IGDCC4: variants seen among roughly 807,000 people sequenced by gnomAD.
IGDCC4 encodes immunoglobulin superfamily DCC subclass member 4, also known as likely ortholog of mouse neighbor of Punc E11.
In IGDCC4, 72 loss-of-function variants were observed where a neutral mutation model predicts 116.6. The observed-to-expected ratio is 0.62, with a 90% CI of 0.51 to 0.75. The LOEUF (loss-of-function observed/expected upper bound fraction) is 0.75, where lower values mean the gene tolerates loss of function less well. IGDCC4 is among the 30% of genes least tolerant of loss of function. IGDCC4 has a pLI of 0.00. For synonymous variants in IGDCC4, 709 were observed against 719.9 expected (o/e 0.98, Z 0.24); for missense variants, 1,501 against 1,662.4 (o/e 0.90, Z 1.69).
chr15:65,396,546 C>G, intron 6 of IGDCC4: 1 of 572,646 alleles, frequency 1.7e-6, no homozygotes, highest in Admixed American at 3.0e-5. Flanking sequence ...CCACTCAGAT[C>G]ACTCCACTAT....
chr15:65,406,585 G>A (rs573760951), intron 3 of IGDCC4, among the ~76,000 whole-genome samples: 10 of 152,238 alleles, frequency 6.6e-5, no homozygotes, highest in Admixed American at 5.2e-4. Context: ...CAAGGCATAC[G>A]GTCTCCTTCA....
At position 65,411,060 on chromosome 15, in the gene IGDCC4, G is replaced by A. The variant is rs369041917; in HGVS notation, c.381C>T (p.Leu127=). The A allele has an allele frequency of 2.1e-5, 34 of 1,613,590 alleles. No individual in the cohort carries two copies. The highest frequency in any genetic ancestry group is 8.9e-5 in the East Asian group (4 of 44,894). ...GNYSCLAHGP[L]GVLASQTAVV... is the part of the protein sequence containing the mutation. ...CAGCAGTCTGGCTGGCCAGCACTCCGAGGGGGCCGTGGGCTAGGCACGAAT... is the reference window on the plus strand; with the variant it reads ...CAGCAGTCTGGCTGGCCAGCACTCCAAGGGGGCCGTGGGCTAGGCACGAAT... Residue 127 remains leucine, a synonymous_variant, in exon 2 of 20, where the codon CTC becomes CTT. Coordinates refer to ENST00000352385, the MANE Select transcript of IGDCC4 (RefSeq NM_020962.3).
At chr15:65,419,633 C>T (rs550891670) in intron 1 of IGDCC4, among the ~76,000 whole-genome samples, 135 of 152,278 alleles carry the variant, frequency 8.9e-4, no homozygotes, top group African/African-American at 3.2e-3. Flanking sequence ...AGATTGGCCT[C>T]TGAGCCTCTG....
At chr15:65,391,023 G>C (rs1026962788) in intron 12 of IGDCC4, among the ~76,000 whole-genome samples, 1 of 152,032 alleles carries the variant, frequency 6.6e-6, no homozygotes, top group African/African-American at 2.4e-5. Flanking sequence ...ACCTGAGGTC[G>C]GGAGTTCAAG....
Position 65,382,828 on chromosome 15 carries a change from G to C in IGDCC4, c.*1181C>G, listed in dbSNP as rs112860742. The C allele has an allele frequency of 6.6e-6, 1 of 152,132 alleles. No homozygotes were observed. The highest frequency in any genetic ancestry group is 2.4e-5 in the African/African-American group (1 of 41,416). The allele number at this position is 152,132 out of a possible 1,614,324, so 9.4% of individuals were successfully genotyped here. ...TCTTCCTTTAGCTTCTTCTGGAAGA[G>C]AGGCCCAAATCATCTCCATCCAGTA... On this transcript the variant is annotated 3_prime_UTR_variant, in exon 20 of 20. Transcript: ENST00000352385.
chr15:65,410,193 AAT>A lies in IGDCC4; in HGVS notation c.546_547del (p.Leu183AlafsTer2). 1.9e-6 allele frequency: 3 copies of A among 1,613,296 alleles called. No individual in the cohort carries two copies. Among genetic ancestry groups the A allele is most frequent in the Non-Finnish European group, 2.5e-6 (3 of 1,179,986 alleles). The stretch of plus-strand genomic sequence containing the variant: ...GGGCACTCACCGAGGCTCCTCAGGC[AAT>A]GTCACCTGGTCCTTCTCCCAAGTAA... On this transcript the variant is annotated frameshift_variant, in exon 3 of 20. Transcript: ENST00000352385. LOFTEE classifies it high-confidence loss of function.
chr15:65,422,893 C>A lies in IGDCC4; in HGVS notation c.-31G>T. The stretch of plus-strand genomic sequence containing the variant: ...TGGGCTCGGGCCGCCGCCGCCGCCG[C>A]CGCCTCCCCGTGCTTCGGCCGCCGC... On this transcript the variant is annotated 5_prime_UTR_variant, in exon 1 of 20. Transcript: ENST00000352385. 1 of 1,034,622 alleles carries A rather than the reference C, an allele frequency of 9.7e-7. No homozygotes were observed. Among genetic ancestry groups the A allele is most frequent in the Non-Finnish European group, 1.2e-6 (1 of 861,182 alleles). The allele number at this position is 1,034,622 out of a possible 1,614,324, so 64.1% of individuals were successfully genotyped here.
chr15:65,418,962 C>T (rs974943472), intron 1 of IGDCC4, among the ~76,000 whole-genome samples: 10 of 152,076 alleles, frequency 6.6e-5, no homozygotes, highest in African/African-American at 2.4e-4. Flanking sequence ...AAAGGGTGGC[C>T]CCATTTCAGT....
intron 1 of IGDCC4, among the ~76,000 whole-genome samples, chr15:65,420,665 C>T (rs1247938658): frequency 6.6e-6 from 1 of 152,060 alleles, no homozygotes; most frequent in East Asian, 1.9e-4. Context: ...TCCCTAAACT[C>T]CAGCTAGATT....
intron 3 of IGDCC4, among the ~76,000 whole-genome samples, chr15:65,407,525 T>C (rs1465917049): frequency 6.6e-6 from 1 of 151,858 alleles, no homozygotes; most frequent in Non-Finnish European, 1.5e-5. Context: ...GTAATTTTGG[T>C]ACAGACGGGG....
At chr15:65,392,834 T>A (rs543926195) in intron 10 of IGDCC4, among the ~76,000 whole-genome samples, 61 of 152,324 alleles carry the variant, frequency 4.0e-4, no homozygotes, top group African/African-American at 1.4e-3. Flanking sequence ...CACTGTCCTA[T>A]GCACTTTGTG....
At chr15:65,410,479 T>A (rs2063080815) in intron 2 of IGDCC4, 160 bp from the exon 3 acceptor site, 8 of 791,452 alleles carry the variant, frequency 1.0e-5, no homozygotes, top group Non-Finnish European at 1.0e-5. Flanking sequence ...CAACAAGAAG[T>A]GGTGATTAGC....
At chr15:65,387,835 T>G (rs1028926087) in intron 16 of IGDCC4, among the ~76,000 whole-genome samples, 6 of 151,820 alleles carry the variant, frequency 4.0e-5, no homozygotes, top group Non-Finnish European at 4.4e-5. Context: ...CCCAGCTGGA[T>G]GCAGTGGCTC....
intron 3 of IGDCC4, among the ~76,000 whole-genome samples, chr15:65,404,185 G>A (rs979956749): frequency 1.3e-5 from 2 of 152,186 alleles, no homozygotes; most frequent in East Asian, 3.8e-4. Flanking sequence ...CAAACCTGCT[G>A]TGGCCCAAAG....
At chr15:65,389,080 C>A in intron 14 of IGDCC4, 102 bp from the exon 15 acceptor site, 1 of 1,086,768 alleles carries the variant, frequency 9.2e-7, no homozygotes, top group Non-Finnish European at 1.3e-6. Flanking sequence ...AGCCACAAAG[C>A]AAAGATGAGG....
Position 65,396,895 on chromosome 15 carries a change from G to A in IGDCC4, c.936C>T (p.Cys312=), listed in dbSNP as rs746484081. 4.4e-6 allele frequency: 7 copies of A among 1,574,952 alleles called. No homozygotes were observed. Among genetic ancestry groups the A allele is most frequent in the Non-Finnish European group, 4.3e-6 (5 of 1,160,260 alleles). ...CGCGCGTGCGGGGCTTGTTGGCGCG[G>A]CAGACATAGACGCCGGAGTGCCAGG... is the stretch of plus-strand genomic sequence containing the variant. ...AQPWHSGVYV[C]RANKPRTRDF... The change falls in exon 6 of 20, where the codon TGC becomes TGT. Residue 312 remains cysteine, a synonymous_variant. Coordinates refer to ENST00000352385, the MANE Select transcript of IGDCC4 (RefSeq NM_020962.3).
chr15:65,383,905 T>C lies in IGDCC4; in HGVS notation c.*104A>G. On this transcript the variant is annotated 3_prime_UTR_variant, in exon 20 of 20. Coordinates refer to ENST00000352385, the MANE Select transcript of IGDCC4 (RefSeq NM_020962.3). ...AGCAACTTAGGAAGCTCCAAAGGGC[T>C]TGATGATGTATCTACAGGCACACAT... 8.8e-7 allele frequency: 1 copy of C among 1,139,344 alleles called. No homozygotes were observed. The highest frequency in any genetic ancestry group is 1.2e-6 in the Non-Finnish European group (1 of 829,690). 70.6% of individuals were successfully genotyped at this position (1,139,344 alleles called of 1,614,324 possible).
At chr15:65,417,591 A>G (rs1009729349) in intron 1 of IGDCC4, among the ~76,000 whole-genome samples, 7 of 151,936 alleles carry the variant, frequency 4.6e-5, no homozygotes, top group African/African-American at 1.7e-4. Flanking sequence ...CGCAGTTATC[A>G]CTCCAGATTT....
At position 65,385,122 on chromosome 15, in the gene IGDCC4, G is replaced by A. The variant is rs752225220; in HGVS notation, c.3181-7C>T. The stretch of plus-strand genomic sequence containing the variant: ...TTGGTTGAGCCCAGGAGATCTGCAC[G>A]GGGGAAAGAAGGGGACAGTAAGGGG... On this transcript the variant is annotated splice_polypyrimidine_tract_variant and splice_region_variant and intron_variant, in intron 18 of 19. Coordinates refer to ENST00000352385, the MANE Select transcript of IGDCC4 (RefSeq NM_020962.3). 2 of 1,580,928 alleles carry A rather than the reference G, an allele frequency of 1.3e-6. No homozygotes were observed. Among genetic ancestry groups the A allele is most frequent in the Non-Finnish European group, 1.7e-6 (2 of 1,171,396 alleles).
Sources: gnomAD v4.1 joint callset for allele counts (sites outside exome capture counted in the v4.1 genomes callset) on GRCh38, gnomAD v4.1.1 for gene constraint, MANE v1.5 for transcripts, NCBI Gene and HGNC (gene_info 2026-07-23, HGNC 2026-07-21) for gene names.